TCERG1: variants seen among roughly 807,000 people sequenced by gnomAD.
TCERG1 encodes the protein TATA box binding protein (TBP)-associated factor, RNA polymerase II, S, 150kD.
TCERG1 carries 37 observed loss-of-function variants against 144.7 expected under a neutral mutation model. That is an observed-to-expected ratio of 0.26 (90% confidence interval 0.20 to 0.34). The LOEUF (loss-of-function observed/expected upper bound fraction) is 0.34. Ranked by LOEUF, TCERG1 falls within the 10% of genes least tolerant of loss-of-function variation. TCERG1 has a pLI of 1.00. For synonymous variants in TCERG1, 492 were observed against 458.2 expected (o/e 1.07, Z -0.94); for missense variants, 1,027 against 1,380.7 (o/e 0.74, Z 4.06).
In TCERG1 at chr5:146,478,668, A is replaced by G; in HGVS notation, c.1762+15A>G. On this transcript the variant is annotated intron_variant, in intron 10 of 22. Coordinates refer to ENST00000679501, the MANE Select transcript of TCERG1 (RefSeq NM_001382548.1). ...GAAGAAACTAAGTAAGTTTTAAATT[A>G]GGAATTTATCCACTGATTTTAACAT... 1 of 1,561,326 alleles carries G rather than the reference A, an allele frequency of 6.4e-7. No homozygotes were observed. Among genetic ancestry groups the G allele is most frequent in the Non-Finnish European group, 8.6e-7 (1 of 1,159,256 alleles).
intron 15 of TCERG1, among the ~76,000 whole-genome samples, chr5:146,485,495 G>A (rs1162403534): frequency 6.6e-6 from 1 of 152,056 alleles, no homozygotes; most frequent in Non-Finnish European, 1.5e-5. Context: ...ATTCCTCCTG[G>A]TACTGAGTGT....
intron 15 of TCERG1, among the ~76,000 whole-genome samples, chr5:146,490,247 G>A (rs1006128996): frequency 6.6e-6 from 1 of 152,146 alleles, no homozygotes; most frequent in African/African-American, 2.4e-5. Context: ...TGGAGGATAT[G>A]TTCCAAGACA....
At chr5:146,509,304 A>G (rs1295015305) in intron 22 of TCERG1, 59 bp downstream of exon 22, 1 of 1,154,048 alleles carries the variant, frequency 8.7e-7, no homozygotes, top group African/African-American at 1.5e-5. Context: ...CTTTACTCTA[A>G]TGGTCAGAGC....
Position 146,493,019 on chromosome 5 carries a change from G to A in TCERG1, c.2263G>A (p.Glu755Lys). Reference protein sequence around the residue: ...AKEDFKKMMEEAKFNPRATFS... With the variant: ...AKEDFKKMMEKAKFNPRATFS... The stretch of plus-strand genomic sequence containing the variant: ...GGAAGATTTCAAAAAAATGATGGAA[G>A]AAGCAAAATTTAATCCAAGGTATGT... The change falls in exon 16 of 23, where the codon GAA becomes AAA. Residue 755 changes from glutamate (E) to lysine (K), a missense_variant. Around this residue, in one of 6 missense-constraint regions of TCERG1, gnomAD observed 482 missense variants for 632.6 expected, o/e 0.76. Transcript: ENST00000679501. 1 of 1,602,100 alleles carries A rather than the reference G, an allele frequency of 6.2e-7. No homozygotes were observed. Among genetic ancestry groups the A allele is most frequent in the Non-Finnish European group, 8.5e-7 (1 of 1,174,770 alleles).
chr5:146,475,380 C>G (rs968656050), intron 9 of TCERG1, among the ~76,000 whole-genome samples: 1 of 151,100 alleles, frequency 6.6e-6, no homozygotes, highest in Admixed American at 6.6e-5. Flanking sequence ...TAATTTTGCC[C>G]CTAGTGGACG....
rs776381807 is a variant in TCERG1 at position 146,468,300 on chromosome 5, A to G, written c.1136-41A>G. 66 of 1,489,332 alleles carry G rather than the reference A, an allele frequency of 4.4e-5. No individual in the cohort carries two copies. The Middle Eastern group carries it at 5.3e-4, about 12-fold the overall frequency. The allele number at this position is 1,489,332 out of a possible 1,614,324, so 92.3% of individuals were successfully genotyped here. On this transcript the variant is annotated intron_variant, in intron 5 of 22. Transcript: ENST00000679501. ...GAATCCCAGTGGTAGCCGACATACA[A>G]TGGCAGCTTTCCAACGTATGCTTGC...
intron 15 of TCERG1, among the ~76,000 whole-genome samples, chr5:146,491,799 TC>T: frequency 6.6e-6 from 1 of 152,262 alleles, no homozygotes; most frequent in East Asian, 1.9e-4. Context: ...GGCCATATGG[TC>T]TCTATTGTAA....
chr5:146,482,760 G>A (rs1468591166), intron 14 of TCERG1, 33 bp downstream of exon 14: 5 of 1,576,488 alleles, frequency 3.2e-6, no homozygotes, highest in Non-Finnish European at 3.4e-6. Context: ...AGATATTTCT[G>A]TTTTGTATAA....
At chr5:146,481,002 A>G (rs1765320455) in intron 12 of TCERG1, 148 bp from the exon 13 acceptor site, 1 of 175,866 alleles carries the variant, frequency 5.7e-6, no homozygotes, top group Non-Finnish European at 1.1e-5. Flanking sequence ...AGAATAAGAC[A>G]TTTGTTTTGT....
chr5:146,497,003 G>T (rs1766981637), intron 16 of TCERG1, among the ~76,000 whole-genome samples: 1 of 150,936 alleles, frequency 6.6e-6, no homozygotes, highest in African/African-American at 2.4e-5. Flanking sequence ...GAGTAGCTGG[G>T]ATTACAGGTG....
rs746107727 is a variant in TCERG1, at chr5:146,510,459, A to G, written c.3165A>G (p.Gln1055=). Residue 1055 remains glutamine (Q), a synonymous_variant, in exon 23 of 23, where the codon CAA becomes CAG. Coordinates refer to ENST00000679501, the MANE Select transcript of TCERG1 (RefSeq NM_001382548.1). ...FITYRSKKLI[Q]ESDQHLKDVE... ...ATTTCAGATCCAAAAAATTAATCCAAGAATCAGATCAGCACCTGAAAGATG... is the reference window on the plus strand; with the variant it reads ...ATTTCAGATCCAAAAAATTAATCCAGGAATCAGATCAGCACCTGAAAGATG... The G allele has an allele frequency of 3.7e-6, 6 of 1,613,552 alleles. No homozygotes were observed. In the South Asian group the frequency reaches 6.6e-5, roughly 18 times the overall value.
chr5:146,500,868 T>A (rs1767361759), intron 17 of TCERG1, among the ~76,000 whole-genome samples: 1 of 152,016 alleles, frequency 6.6e-6, no homozygotes, highest in African/African-American at 2.4e-5. Flanking sequence ...AATAGCTGGT[T>A]GTAGTGATGT....
At chr5:146,484,497 T>C (rs1765644726) in intron 15 of TCERG1, among the ~76,000 whole-genome samples, 1 of 152,214 alleles carries the variant, frequency 6.6e-6, no homozygotes. Context: ...ATTGAAATAA[T>C]TCTTCACATG....
intron 9 of TCERG1, among the ~76,000 whole-genome samples, chr5:146,475,511 G>T (rs1234747837): frequency 1.3e-5 from 2 of 152,138 alleles, no homozygotes; most frequent in African/African-American, 4.8e-5. Flanking sequence ...CTCCCAACAA[G>T]AATTACTTAC....
At position 146,468,384 on chromosome 5, in the gene TCERG1, A is replaced by T; in HGVS notation, c.1179A>T (p.Thr393=). 1 of 1,610,774 alleles carries T rather than the reference A, an allele frequency of 6.2e-7. No homozygotes were observed. The highest frequency in any genetic ancestry group is 8.5e-7 in the Non-Finnish European group (1 of 1,178,410). ...MQIVSCPYVK[T]VATTKTGVLP... ...TAGTCAGCTGCCCGTATGTAAAGAC[A>T]GTCGCTACCACCAAGACCGGTAATT... The change falls in exon 6 of 23, where the codon ACA becomes ACT. Residue 393 remains threonine, a synonymous_variant. Transcript: ENST00000679501.
chr5:146,459,231 G>C lies in TCERG1; in HGVS notation c.786G>C (p.Thr262=). 6.2e-7 allele frequency: 1 copy of C among 1,614,240 alleles called. No homozygotes were observed. The change falls in exon 4 of 23, where the codon ACG becomes ACC. Residue 262 remains threonine, a synonymous_variant. Coordinates refer to ENST00000679501, the MANE Select transcript of TCERG1 (RefSeq NM_001382548.1). ...AAGCAGTTGGAGCTTCCACCCCTAC[G>C]ACCAGTAGCCCAGCACCTGCAGTAT... ...QAQAVGASTP[T]TSSPAPAVST...
Position 146,507,530 on chromosome 5 carries a change from G to C in TCERG1, c.2961+323G>C. On this transcript the variant is annotated intron_variant, in intron 20 of 22. Transcript: ENST00000679501. This position sits in a 1 kb window ranked among gnomAD's most constrained non-coding sequence, Gnocchi z 4.6. The stretch of plus-strand genomic sequence containing the variant: ...AATTTGGTACTATGGCCTCTTGTTC[G>C]GCAGTTTGTACGCTTTGTTATCCAG... 3.0e-6 allele frequency: 1 copy of C among 328,572 alleles called. No homozygotes were observed. Among genetic ancestry groups the C allele is most frequent in the Non-Finnish European group, 5.5e-6 (1 of 183,396 alleles). 20.4% of individuals were successfully genotyped at this position (328,572 alleles called of 1,614,324 possible). A position where few individuals can be genotyped will look rare whatever the true frequency, so the allele number is the denominator to read the frequency against.
chr5:146,473,773 C>T (rs1407427830), intron 9 of TCERG1, among the ~76,000 whole-genome samples: 1 of 152,114 alleles, frequency 6.6e-6, no homozygotes, highest in Non-Finnish European at 1.5e-5. Flanking sequence ...TGAGTTAAGC[C>T]CACTGTTGAG....
intron 3 of TCERG1, 134 bp from the exon 4 acceptor site, chr5:146,458,750 A>T (rs1204835560): frequency 7.9e-7 from 1 of 1,272,932 alleles, no homozygotes; most frequent in African/African-American, 1.5e-5. Context: ...AAGTGCTGGG[A>T]TTACAGGAAT....
Sources: gnomAD v4.1 joint callset for allele counts (sites outside exome capture counted in the v4.1 genomes callset) on GRCh38, gnomAD v4.1.1 for gene constraint, gnomAD v4.1.1 regional missense constraint, Gnocchi (gnomAD v3.1) non-coding constraint, MANE v1.5 for transcripts, NCBI Gene and HGNC (gene_info 2026-07-23, HGNC 2026-07-21) for gene names.